The following PKP2 variants were observed in gnomAD, a reference collection of about 807,000 sequenced individuals.
PKP2 encodes the protein plakophilin 2, also known as plakophilin-2.
In PKP2, 73 loss-of-function variants were observed where a neutral mutation model predicts 83.4. The observed-to-expected ratio is 0.88, with a 90% confidence interval of 0.72 to 1.06. The LOEUF (loss-of-function observed/expected upper bound fraction) is 1.06, where lower values mean the gene tolerates loss of function less well. Ranked by LOEUF, PKP2 falls within the 50% of genes least tolerant of loss-of-function variation. The pLI, the probability that PKP2 is intolerant of heterozygous loss-of-function variation, is 0.00. For missense variants in PKP2, 966 were observed against 1,065.4 expected (o/e 0.91, Z 1.30); for synonymous variants, 409 against 430.4 (o/e 0.95, Z 0.62).
chr12:32,844,164 T>C (rs1043685007), intron 5 of PKP2, among the ~76,000 whole-genome samples: 2 of 152,214 alleles, frequency 1.3e-5, no homozygotes, highest in African/African-American at 4.8e-5. Flanking sequence ...AGCATAATTT[T>C]AGAATTTCTA....
chr12:32,794,210 T>C (rs1956100907), intron 11 of PKP2, among the ~76,000 whole-genome samples: 2 of 152,208 alleles, frequency 1.3e-5, no homozygotes, highest in Non-Finnish European at 2.9e-5. Context: ...CACTTGGTAA[T>C]AACTGAAGGG....
chr12:32,891,731 T>C (rs1249684538), intron 1 of PKP2, among the ~76,000 whole-genome samples: 1 of 152,206 alleles, frequency 6.6e-6, no homozygotes, highest in Non-Finnish European at 1.5e-5. Context: ...TAGAACAATG[T>C]ACTTTCATAA....
At chr12:32,808,028 C>T (rs1311837901) in intron 9 of PKP2, among the ~76,000 whole-genome samples, 2 of 152,068 alleles carry the variant, frequency 1.3e-5, no homozygotes, top group Non-Finnish European at 2.9e-5. Flanking sequence ...ATGGAGTATC[C>T]TACTGGGGTT....
chr12:32,889,933 G>C (rs1957062658), intron 1 of PKP2, among the ~76,000 whole-genome samples: 1 of 151,698 alleles, frequency 6.6e-6, no homozygotes, highest in South Asian at 2.1e-4. Flanking sequence ...AAATTAGCCG[G>C]GTGTGGTGGC....
At chr12:32,861,750 C>A (rs531007246) in intron 4 of PKP2, among the ~76,000 whole-genome samples, 1 of 152,274 alleles carries the variant, frequency 6.6e-6, no homozygotes, top group Non-Finnish European at 1.5e-5. Flanking sequence ...CCAAACTGAT[C>A]AACACCAGTA....
At chr12:32,874,470 A>G (rs1956917464) in intron 3 of PKP2, among the ~76,000 whole-genome samples, 1 of 152,160 alleles carries the variant, frequency 6.6e-6, no homozygotes, top group Non-Finnish European at 1.5e-5. Context: ...AGAGAAAAAA[A>G]GTTGATTTCT....
chr12:32,842,571 C>T (rs759593774), intron 5 of PKP2, among the ~76,000 whole-genome samples: 1 of 151,680 alleles, frequency 6.6e-6, no homozygotes, highest in Non-Finnish European at 1.5e-5. Context: ...TAATGGGTTA[C>T]ACTAACTCAC....
In PKP2 at chr12:32,796,046, T is replaced by C. The variant is rs566555785; in HGVS notation, c.2357+63A>G. On this transcript the variant is annotated intron_variant, in intron 11 of 12. Transcript: ENST00000340811. ...CATGACCGCACATTCACAACCGGAT[T>C]ATTTACACACAGGCTGGTGAGGGGA... is the stretch of plus-strand genomic sequence containing the variant. 52 of 1,405,014 alleles carry C rather than the reference T, an allele frequency of 3.7e-5. No homozygotes were observed. In the African/African-American group the frequency reaches 7.2e-4, roughly 20 times the overall value. The allele number at this position is 1,405,014 out of a possible 1,614,324, so 87.0% of individuals were successfully genotyped here. A position where few individuals can be genotyped will look rare whatever the true frequency, so the allele number is the denominator to read the frequency against.
At chr12:32,891,425 G>C (rs1366845513) in intron 1 of PKP2, among the ~76,000 whole-genome samples, 4 of 152,054 alleles carry the variant, frequency 2.6e-5, no homozygotes, top group African/African-American at 9.7e-5. Context: ...AATTTGTATT[G>C]ATCAGACTAG....
At chr12:32,823,002 A>T (rs1202303000) in intron 7 of PKP2, among the ~76,000 whole-genome samples, 1 of 152,228 alleles carries the variant, frequency 6.6e-6, no homozygotes, top group African/African-American at 2.4e-5. Context: ...AAGATGCACA[A>T]TGTAGGAAAA....
chr12:32,797,592 G>C (rs1592727163), intron 10 of PKP2, among the ~76,000 whole-genome samples: 1 of 137,810 alleles, frequency 7.3e-6, no homozygotes, highest in African/African-American at 2.8e-5. Flanking sequence ...GTCTTGCTCT[G>C]TCACCCAGGC....
At chr12:32,846,682 T>G (rs1356962247) in intron 5 of PKP2, among the ~76,000 whole-genome samples, 1 of 147,352 alleles carries the variant, frequency 6.8e-6, no homozygotes, top group East Asian at 2.0e-4. Flanking sequence ...GAGGCAGAGG[T>G]TGCAGTGAGC....
chr12:32,892,252 C>T (rs919967469), intron 1 of PKP2, among the ~76,000 whole-genome samples: 5 of 151,782 alleles, frequency 3.3e-5, no homozygotes, highest in Non-Finnish European at 4.4e-5. Context: ...TTAACAGTAG[C>T]GCCTAGTAAC....
intron 11 of PKP2, 145 bp from the exon 12 acceptor site, chr12:32,792,876 A>G (rs1200397739): frequency 1.1e-5 from 8 of 717,354 alleles, no homozygotes; most frequent in African/African-American, 1.7e-5. Flanking sequence ...GTGACCAGAC[A>G]ATTAGGCAGC....
chr12:32,849,096 T>A (rs1956674779), intron 5 of PKP2, among the ~76,000 whole-genome samples: 1 of 151,584 alleles, frequency 6.6e-6, no homozygotes, highest in African/African-American at 2.4e-5. Flanking sequence ...CACCTGATAA[T>A]ACCTAGAAAC....
In PKP2 at chr12:32,819,885, ACCCC is replaced by A. The variant is rs34249258; in HGVS notation, c.2013+1467_2013+1470del. Reference sequence around the variant, plus strand: ...ACACACACACACACACGCACACACAACCCCCCCCCCCCCATTTAATTTTCTTTTA... The same window carrying A: ...ACACACACACACACACGCACACACAACCCCCCCCCATTTAATTTTCTTTTA... On this transcript the variant is annotated intron_variant, in intron 9 of 12. Coordinates refer to ENST00000340811, the MANE Select transcript of PKP2 (RefSeq NM_001005242.3). Among the ~76,000 whole-genome samples, 10 of 145,718 alleles carry A rather than the reference ACCCC, an allele frequency of 6.9e-5. No homozygotes were observed. In the East Asian group the frequency reaches 1.4e-3, roughly 21 times the overall value.
chr12:32,801,936 A>AT (rs754400477), intron 10 of PKP2, among the ~76,000 whole-genome samples: 1 of 152,064 alleles, frequency 6.6e-6, no homozygotes, highest in East Asian at 1.9e-4. Context: ...CTGTTTATCC[A>AT]TTTTTTTAAT....
At chr12:32,793,492 C>T (rs563219031) in intron 11 of PKP2, among the ~76,000 whole-genome samples, 65 of 151,890 alleles carry the variant, frequency 4.3e-4, no homozygotes, top group African/African-American at 1.5e-3. Context: ...CTTGTGGCAG[C>T]CCTTGTTAAA....
chr12:32,837,125 T>C (rs1956550998), intron 6 of PKP2, among the ~76,000 whole-genome samples: 1 of 152,364 alleles, frequency 6.6e-6, no homozygotes, highest in South Asian at 2.1e-4. Flanking sequence ...ACAGTGCCCA[T>C]AATGACAACT....
Sources: allele counts gnomAD v4.1 joint callset (sites outside exome capture counted in the v4.1 genomes callset), GRCh38; gene constraint gnomAD v4.1.1; transcripts MANE v1.5; gene names NCBI Gene and HGNC (gene_info 2026-07-23, HGNC 2026-07-21).